Variants in GLI3 observed in about 807,000 individuals in gnomAD.
GLI3 encodes the protein GLI family zinc finger 3.
A neutral mutation model predicts 100.8 loss-of-function variants in GLI3; 20 were observed. That is an observed-to-expected ratio of 0.20 (90% CI 0.14 to 0.29). The LOEUF (loss-of-function observed/expected upper bound fraction) is 0.29, where lower values mean the gene tolerates loss of function less well. GLI3 is among the 10% of genes least tolerant of loss of function. GLI3 has a pLI of 1.00. For missense variants in GLI3, 2,040 were observed against 2,128.5 expected, an observed-to-expected ratio of 0.96 and a Z score of 0.82; for synonymous variants, 938 against 860.5, an observed-to-expected ratio of 1.09 and a Z score of -1.58.
intron 1 of GLI3, among the ~76,000 whole-genome samples, chr7:42,254,834 TA>T (rs370541776): frequency 6.6e-4 from 100 of 150,944 alleles, no homozygotes; most frequent in African/African-American, 2.3e-3. Flanking sequence ...TCTGTCTCTT[TA>T]AAAAAAAAGT....
intron 1 of GLI3, among the ~76,000 whole-genome samples, chr7:42,230,723 C>T (rs4724101): frequency 6.6e-6 from 1 of 152,026 alleles, no homozygotes; most frequent in Non-Finnish European, 1.5e-5. Flanking sequence ...TACCATTTCT[C>T]AGTTCTGTAA....
intron 3 of GLI3, among the ~76,000 whole-genome samples, chr7:42,092,463 A>G (rs1369602620): frequency 1.3e-5 from 2 of 152,176 alleles, no homozygotes; most frequent in African/African-American, 2.4e-5. Context: ...CCAGCTCAGA[A>G]GTGGAGACAA....
At position 42,005,032 on chromosome 7, in the gene GLI3, C is replaced by T. The variant is rs2299144; in HGVS notation, c.1497+18436G>A. Reference sequence around the variant, plus strand: ...GAGAAAAACCGTAAATTACACACAACGATTCAGTGATGATGGCACATACAT... The same window carrying T: ...GAGAAAAACCGTAAATTACACACAATGATTCAGTGATGATGGCACATACAT... On this transcript the variant is annotated intron_variant, in intron 10 of 14. Coordinates refer to ENST00000395925, the MANE Select transcript of GLI3 (RefSeq NM_000168.6). Among the ~76,000 whole-genome samples, 69 of 152,142 alleles carry T rather than the reference C, an allele frequency of 4.5e-4. 1 individual carries two copies. In the East Asian group the frequency reaches 0.012, roughly 27 times the overall value.
chr7:42,153,084 T>A (rs1307803483), intron 2 of GLI3, among the ~76,000 whole-genome samples: 1 of 152,194 alleles, frequency 6.6e-6, no homozygotes, highest in Non-Finnish European at 1.5e-5. Flanking sequence ...GCCTTGAGGC[T>A]AAAGGAAGAA....
At chr7:42,116,697 G>C (rs543051984) in intron 3 of GLI3, among the ~76,000 whole-genome samples, 64 of 152,244 alleles carry the variant, frequency 4.2e-4, no homozygotes, top group Admixed American at 8.5e-4. Context: ...GTTTGCCTCA[G>C]TTACAGAGGT....
At chr7:41,998,564 A>C (rs1265892500) in intron 10 of GLI3, among the ~76,000 whole-genome samples, 1 of 152,212 alleles carries the variant, frequency 6.6e-6, no homozygotes, top group Non-Finnish European at 1.5e-5. Context: ...ACCTCTCATC[A>C]GACTATGAAG....
chr7:42,133,738 T>TGTGGCATCA (rs1213554484), intron 3 of GLI3, among the ~76,000 whole-genome samples: 1 of 148,652 alleles, frequency 6.7e-6, no homozygotes, highest in Non-Finnish European at 1.5e-5. Context: ...ATAGCAGGAG[T>TGTGGCATCA]GTGGCATCAA....
Position 42,040,178 on chromosome 7 carries a change from T to C in GLI3, c.888A>G (p.Ile296Met). Reference protein sequence around the residue: ...ARPSRKRTLSISPLSDHSFDL... With the variant: ...ARPSRKRTLSMSPLSDHSFDL... Reference sequence around the variant, plus strand: ...CAAAGCTATGATCGGAGAGTGGTGATATGGACAGTGTACGTTTTCGGCTCG... The same window carrying C: ...CAAAGCTATGATCGGAGAGTGGTGACATGGACAGTGTACGTTTTCGGCTCG... Residue 296 changes from isoleucine to methionine, a missense_variant, in exon 7 of 15, where the codon ATA becomes ATG. Around this residue, in one of 5 missense-constraint regions of GLI3, gnomAD observed 603 missense variants for 690.9 expected, o/e 0.87. Coordinates refer to ENST00000395925, the MANE Select transcript of GLI3 (RefSeq NM_000168.6). The C allele has an allele frequency of 1.9e-6, 3 of 1,613,938 alleles. No individual in the cohort carries two copies. Among genetic ancestry groups the C allele is most frequent in the Non-Finnish European group, 2.5e-6 (3 of 1,179,830 alleles).
intron 4 of GLI3, among the ~76,000 whole-genome samples, chr7:42,055,782 A>G (rs555429600): frequency 6.6e-6 from 1 of 152,306 alleles, no homozygotes; most frequent in East Asian, 1.9e-4. Flanking sequence ...GCTTTTTACA[A>G]ATTTACCATT....
chr7:42,112,614 T>C (rs1300349332), intron 3 of GLI3, among the ~76,000 whole-genome samples: 2 of 151,266 alleles, frequency 1.3e-5, no homozygotes, highest in East Asian at 3.9e-4. Flanking sequence ...TTATTTCCCA[T>C]AACAATTAAC....
intron 12 of GLI3, among the ~76,000 whole-genome samples, chr7:41,974,209 T>C (rs979943419): frequency 5.9e-5 from 9 of 152,328 alleles, no homozygotes; most frequent in South Asian, 4.1e-4. Flanking sequence ...GCAGCCAATA[T>C]GTAATGAGAT....
chr7:42,261,032 A>G (rs1365365589), intron 1 of GLI3, among the ~76,000 whole-genome samples: 1 of 152,220 alleles, frequency 6.6e-6, no homozygotes, highest in Admixed American at 6.5e-5. Flanking sequence ...TGGGTAATTC[A>G]TAAAGAAAAG....
intron 7 of GLI3, among the ~76,000 whole-genome samples, chr7:42,031,862 C>G (rs1323889612): frequency 6.6e-6 from 1 of 152,098 alleles, no homozygotes; most frequent in African/African-American, 2.4e-5. Flanking sequence ...TGACTGGGAA[C>G]CATTTTTTCT....
At position 42,045,509 on chromosome 7, in the gene GLI3, G is replaced by C. The variant is rs777145901; in HGVS notation, c.701C>G (p.Pro234Arg). 1.9e-6 allele frequency: 3 copies of C among 1,614,040 alleles called. No homozygotes were observed. The highest frequency in any genetic ancestry group is 2.2e-5 in the South Asian group (2 of 91,080). Reference sequence around the variant, plus strand: ...GGCCATCTGATGATAGTATTCTGCTGGGCTGACTCCTGCATGGGGCGCTAG... The same window carrying C: ...GGCCATCTGATGATAGTATTCTGCTCGGCTGACTCCTGCATGGGGCGCTAG... ...PTDAPHAGVS[P>R]AEYYHQMALL... is the part of the protein sequence containing the mutation. Residue 234 changes from proline to arginine, a missense_variant, in exon 6 of 15, where the codon CCA becomes CGA. Physicochemically the swap from Pro to Arg is moderately radical, Grantham distance 103. Around this residue, in one of 5 missense-constraint regions of GLI3, gnomAD observed 603 missense variants for 690.9 expected, o/e 0.87. Transcript: ENST00000395925.
intron 1 of GLI3, among the ~76,000 whole-genome samples, chr7:42,247,283 G>C (rs138431070): frequency 3.0e-4 from 45 of 152,214 alleles, no homozygotes; most frequent in Non-Finnish European, 5.0e-4. Context: ...GTTGCTTTCT[G>C]CAACCACCGA....
chr7:42,149,449 C>A (rs1786803054), intron 2 of GLI3, among the ~76,000 whole-genome samples: 1 of 152,148 alleles, frequency 6.6e-6, no homozygotes, highest in African/African-American at 2.4e-5. Context: ...TCAAAGAACC[C>A]ATGCATAAAA....
intron 3 of GLI3, among the ~76,000 whole-genome samples, chr7:42,078,505 C>T (rs1353397205): frequency 1.3e-5 from 2 of 152,064 alleles, no homozygotes; most frequent in Non-Finnish European, 2.9e-5. Context: ...ACCACCAGAT[C>T]TAGAATCTAG....
chr7:42,026,393 A>T lies in GLI3; in HGVS notation c.1048T>A (p.Tyr350Asn). ...TGGAGAGAGACGGGCGCGGAAGAGT[A>T]GGTGAAGCTCAAGGCAGGGCTGCAC... ...SAISPALSFTYSSAPVSLHMH... is the reference protein window; with the variant it reads ...SAISPALSFTNSSAPVSLHMH... Residue 350 changes from tyrosine to asparagine, a missense_variant, in exon 8 of 15, where the codon TAC (tyrosine) becomes AAC (asparagine). Tyr to Asn is a moderately radical substitution (Grantham distance 143, BLOSUM62 -2). Transcript: ENST00000395925. 1 of 1,614,174 alleles carries T rather than the reference A, an allele frequency of 6.2e-7. No homozygotes were observed. Among genetic ancestry groups the T allele is most frequent in the Non-Finnish European group, 8.5e-7 (1 of 1,180,012 alleles).
At chr7:42,011,570 C>G (rs1326381557) in intron 10 of GLI3, among the ~76,000 whole-genome samples, 3 of 152,148 alleles carry the variant, frequency 2.0e-5, no homozygotes, top group African/African-American at 4.8e-5. Flanking sequence ...GAATATTATT[C>G]AGCCATAAAA....
Sources: gnomAD v4.1 joint callset for allele counts (sites outside exome capture counted in the v4.1 genomes callset) on GRCh38, gnomAD v4.1.1 for gene constraint, gnomAD v4.1.1 regional missense constraint, MANE v1.5 for transcripts, NCBI Gene and HGNC (gene_info 2026-07-23, HGNC 2026-07-21) for gene names.